SPACA6: variants seen among roughly 807,000 people sequenced by gnomAD.
SPACA6 encodes the protein sperm acrosome membrane-associated protein 6.
For missense variants in SPACA6, 8 were observed against 2.8 expected (o/e 2.88, Z -1.34); for synonymous variants, 6 against 1.5 (o/e 4.05, Z -2.21).
chr19:51,698,737 C>T (rs2083447550), intron 2 of SPACA6, among the ~76,000 whole-genome samples: 1 of 152,186 alleles, frequency 6.6e-6, no homozygotes, highest in Non-Finnish European at 1.5e-5. Context: ...TTTTGTATGG[C>T]TTTAATCACA....
At chr19:51,707,258 G>A (rs112302963), downstream of SPACA6, among the ~76,000 whole-genome samples, 9 of 145,432 alleles carry the variant, frequency 6.2e-5, 1 homozygote, top group African/African-American at 2.3e-4. Flanking sequence ...TTTTGTTTGA[G>A]ATGGAGTCCT....
chr19:51,685,640 T>C (rs2083324876), upstream of SPACA6: 1 of 152,164 alleles, frequency 6.6e-6, no homozygotes, highest in Non-Finnish European at 1.5e-5. Flanking sequence ...GCCTCCCTAG[T>C]AGCTGGGAGA....
chr19:51,709,809 C>T (rs897751055), downstream of SPACA6, among the ~76,000 whole-genome samples: 1 of 151,944 alleles, frequency 6.6e-6, no homozygotes, highest in Admixed American at 6.6e-5. Flanking sequence ...GGAACAAGGT[C>T]GTGAGGAGCA....
downstream of SPACA6, among the ~76,000 whole-genome samples, chr19:51,706,744 C>G (rs1599785938): frequency 6.6e-6 from 1 of 152,190 alleles, no homozygotes; most frequent in Non-Finnish European, 1.5e-5. Context: ...ACTGCAACCT[C>G]CACCTCCCGG....
downstream of SPACA6, among the ~76,000 whole-genome samples, chr19:51,707,242 T>G (rs372239831): frequency 0.023 from 3,502 of 151,644 alleles, 133 homozygotes; most frequent in African/African-American, 0.08. Flanking sequence ...TTTTTTTTTT[T>G]TTTTGTTTTG....
At chr19:51,710,756 G>A (rs927866475) in intron 2 of SPACA6, among the ~76,000 whole-genome samples, 2 of 152,192 alleles carry the variant, frequency 1.3e-5, no homozygotes, top group African/African-American at 4.8e-5. Flanking sequence ...AGAAAACAAG[G>A]TGGAGGAAAG....
chr19:51,699,990 A>G (rs1365667843), intron 2 of SPACA6, among the ~76,000 whole-genome samples: 1 of 152,216 alleles, frequency 6.6e-6, no homozygotes, highest in African/African-American at 2.4e-5. Flanking sequence ...ATGGTGGCCC[A>G]CACCTGTAAT....
At chr19:51,694,143 G>A (rs1181839734) in intron 1 of SPACA6, 2 of 277,052 alleles carry the variant, frequency 7.2e-6, no homozygotes, top group Admixed American at 5.4e-5. Flanking sequence ...AGGAGAGGTT[G>A]GAGACTGGAG....
chr19:51,706,055 T>A (rs1401607831), downstream of SPACA6, among the ~76,000 whole-genome samples: 1 of 152,160 alleles, frequency 6.6e-6, no homozygotes, highest in Non-Finnish European at 1.5e-5. Flanking sequence ...AATCCTTTAG[T>A]GACTCCCTGT....
chr19:51,703,389 C>A lies in SPACA6; in HGVS notation c.573+52C>A, dbSNP rs2083485647. 2 of 399,044 alleles carry A rather than the reference C, an allele frequency of 5.0e-6. No homozygotes were observed. Among genetic ancestry groups the A allele is most frequent in the Non-Finnish European group, 8.8e-6 (2 of 226,052 alleles). The allele number at this position is 399,044 out of a possible 1,614,324, so 24.7% of individuals were successfully genotyped here. A position where few individuals can be genotyped will look rare whatever the true frequency, so the allele number is the denominator to read the frequency against. ...GAGTTTAGACGGGCGAGTTAGCCTT[C>A]ACTAGAGGTTGGGGAGTCAGCTTGC... On this transcript the variant is annotated intron_variant, in intron 6 of 8. Transcript: ENST00000637797. The surrounding 1 kb of genome is among the most constrained non-coding windows in gnomAD (Gnocchi z 4.2).
chr19:51,704,181 T>C lies in SPACA6; in HGVS notation c.725T>C (p.Leu242Pro). 2.5e-6 allele frequency: 1 copy of C among 401,064 alleles called. No individual in the cohort carries two copies. Among genetic ancestry groups the C allele is most frequent in the East Asian group, 3.6e-5 (1 of 28,048 alleles). 24.8% of individuals were successfully genotyped at this position (401,064 alleles called of 1,614,324 possible). The change falls in exon 7 of 9, where the codon CTT becomes CCT. Residue 242 changes from leucine to proline, a missense_variant. Coordinates refer to ENST00000637797, the MANE Select transcript of SPACA6 (RefSeq NM_001316972.2). ...CCCCTGGCCCGGCTCTACTTCTTTC[T>C]TAACGGTGGGGCGGGGCGCGGCCGC... Reference protein sequence around the residue: ...QRPLARLYFFLNVTGPPPRAE... With the variant: ...QRPLARLYFFPNVTGPPPRAE...
chr19:51,712,556 T>C (rs994364522), downstream of SPACA6, among the ~76,000 whole-genome samples: 11 of 149,592 alleles, frequency 7.4e-5, no homozygotes, highest in Non-Finnish European at 1.6e-4. Context: ...ACTGCTGGAG[T>C]GAAGTCTTTG....
chr19:51,705,037 A>C, intron 8 of SPACA6, 53 bp from the exon 9 acceptor site: 1 of 401,232 alleles, frequency 2.5e-6, no homozygotes, highest in Non-Finnish European at 4.4e-6. Context: ...CCGGGACCTA[A>C]GTTTCTAGTC....
upstream of SPACA6, chr19:51,692,663 G>A (rs1224589958): frequency 5.6e-6 from 3 of 532,502 alleles, no homozygotes; most frequent in East Asian, 5.5e-5. This position sits in a 1 kb window ranked among gnomAD's most constrained non-coding sequence, Gnocchi z 5.6. Flanking sequence ...ACACAAGCTC[G>A]TGTCTGTGGG....
chr19:51,710,849 G>C (rs2083538155), intron 2 of SPACA6, among the ~76,000 whole-genome samples: 1 of 152,216 alleles, frequency 6.6e-6, no homozygotes, highest in Non-Finnish European at 1.5e-5. Flanking sequence ...GGAAGCCGAG[G>C]CTGGTGGATC....
intron 2 of SPACA6, among the ~76,000 whole-genome samples, chr19:51,700,020 G>A (rs565041634): frequency 7.2e-5 from 11 of 152,282 alleles, no homozygotes; most frequent in East Asian, 5.8e-4. Flanking sequence ...TTGGGAGGCC[G>A]AGGCAGGCGG....
rs201145856 is a variant in SPACA6, at chr19:51,703,158, GA to G, written c.463+61del. ...ACCTGAGAAAAGGGACCAGAGCACC[GA>G]GGGGCATAAGCTGGTGGCGAGGCCA... On this transcript the variant is annotated intron_variant, in intron 5 of 8. Transcript: ENST00000637797. The surrounding 1 kb of genome is among the most constrained non-coding windows in gnomAD (Gnocchi z 4.2). 1,263 of 399,624 alleles carry G rather than the reference GA, an allele frequency of 3.2e-3. 20 individuals are homozygous for G. Among genetic ancestry groups the G allele is most frequent in the East Asian group, 0.025 (699 of 28,076 alleles). 24.8% of individuals were successfully genotyped at this position (399,624 alleles called of 1,614,324 possible).
At chr19:51,710,705 G>C (rs2083537636) in intron 2 of SPACA6, among the ~76,000 whole-genome samples, 1 of 152,152 alleles carries the variant, frequency 6.6e-6, no homozygotes, top group East Asian at 1.9e-4. Flanking sequence ...AAGGGAAATG[G>C]GTATAGATGG....
upstream of SPACA6, chr19:51,692,695 C>T (rs768297228): frequency 1.3e-5 from 7 of 533,368 alleles, no homozygotes; most frequent in Admixed American, 5.8e-5. This position sits in a 1 kb window ranked among gnomAD's most constrained non-coding sequence, Gnocchi z 5.6. Flanking sequence ...GGCTCACCAT[C>T]GCGGCTGGGG....
Sources: gnomAD v4.1 joint callset for allele counts (sites outside exome capture counted in the v4.1 genomes callset) on GRCh38, gnomAD v4.1.1 for gene constraint, Gnocchi (gnomAD v3.1) non-coding constraint, MANE v1.5 for transcripts, NCBI Gene and HGNC (gene_info 2026-07-23, HGNC 2026-07-21) for gene names.